The following SAXO4 variants were observed in gnomAD, a reference collection of about 807,000 sequenced individuals.
SAXO4 encodes the protein protein phosphatase 1 regulatory subunit 32.
the SAXO4 span, chr11:61,484,932 G>C: frequency 2.3e-6 from 3 of 1,303,346 alleles, no homozygotes; most frequent in Non-Finnish European, 3.1e-6. Context: ...GCTCAGGGTG[G>C]GCTCAGGGCG....
the SAXO4 span, chr11:61,485,981 T>C: frequency 9.0e-7 from 1 of 1,105,232 alleles, no homozygotes; most frequent in Non-Finnish European, 1.3e-6. Context: ...TTTCTAGCTT[T>C]CCTAAAGAAT....
the SAXO4 span, among the ~76,000 whole-genome samples, chr11:61,487,813 T>C: frequency 6.6e-6 from 1 of 152,136 alleles, no homozygotes; most frequent in Non-Finnish European, 1.5e-5. Flanking sequence ...CGATGCTCCC[T>C]CAGAAGGTAA....
chr11:61,482,817 T>TGGGCCA, the SAXO4 span: 19 of 1,595,228 alleles, frequency 1.2e-5, no homozygotes, highest in African/African-American at 9.4e-5. Flanking sequence ...AGGTCAGTGC[T>TGGGCCA]GGGCCAGGGC....
the SAXO4 span, among the ~76,000 whole-genome samples, chr11:61,483,164 CTTTT>C: frequency 2.5e-5 from 3 of 119,348 alleles, no homozygotes; most frequent in African/African-American, 3.5e-5. Flanking sequence ...ATTTCTTTTT[CTTTT>C]TTTTTTTTTT....
At chr11:61,482,313 C>G in the SAXO4 span, 2 of 1,613,876 alleles carry the variant, frequency 1.2e-6, no homozygotes, top group South Asian at 2.2e-5. Flanking sequence ...TCTGGCAGGT[C>G]GGGAGGATTT....
chr11:61,485,233 G>GA, the SAXO4 span: 1 of 995,516 alleles, frequency 1.0e-6, no homozygotes, highest in Non-Finnish European at 1.5e-6. Context: ...GGCCCACACA[G>GA]GCTTCCTCAG....
At chr11:61,490,410 T>C in the SAXO4 span, 2 of 1,188,874 alleles carry the variant, frequency 1.7e-6, no homozygotes, top group South Asian at 1.2e-5. Flanking sequence ...CTGGCTATGC[T>C]CTCTCAGGGA....
the SAXO4 span, chr11:61,481,904 A>G: frequency 1.6e-5 from 26 of 1,581,090 alleles, no homozygotes; most frequent in Non-Finnish European, 2.2e-5. Flanking sequence ...GCCACCAGCT[A>G]CTGCACCGCC....
chr11:61,483,764 T>A, the SAXO4 span, among the ~76,000 whole-genome samples: 1 of 149,736 alleles, frequency 6.7e-6, no homozygotes, highest in Non-Finnish European at 1.5e-5. Context: ...TTGAGACCAG[T>A]CTGGCCAACA....
At chr11:61,485,698 C>A in the SAXO4 span, 1 of 896,246 alleles carries the variant, frequency 1.1e-6, no homozygotes, top group South Asian at 1.5e-5. Flanking sequence ...TCTCCAGGAT[C>A]TTGGGATCCA....
the SAXO4 span, chr11:61,482,806 G>T: frequency 2.5e-6 from 4 of 1,607,736 alleles, no homozygotes; most frequent in Non-Finnish European, 3.4e-6. Flanking sequence ...CCCCACCAAG[G>T]AGGTCAGTGC....
At chr11:61,485,528 G>C in the SAXO4 span, 1 of 883,760 alleles carries the variant, frequency 1.1e-6, no homozygotes, top group Non-Finnish European at 1.7e-6. Flanking sequence ...GGATGCACAG[G>C]TGGCTGGAGG....
chr11:61,486,685 A>G, the SAXO4 span: 1 of 1,367,218 alleles, frequency 7.3e-7, no homozygotes, highest in South Asian at 1.2e-5. Context: ...CATTTGGGTC[A>G]GGCATTGAAG....
At chr11:61,488,967 C>A in the SAXO4 span, 1,435 of 152,594 alleles carry the variant, frequency 9.4e-3, 6 homozygotes, top group Non-Finnish European at 0.014. Context: ...GAGCAGGTGA[C>A]GTTTGAACTG....
At chr11:61,486,477 G>A in the SAXO4 span, 1 of 1,612,560 alleles carries the variant, frequency 6.2e-7, no homozygotes. Flanking sequence ...AAGGTGGTGG[G>A]GGAGGCAGCC....
At chr11:61,482,533 C>T in the SAXO4 span, 1 of 1,566,928 alleles carries the variant, frequency 6.4e-7, no homozygotes. Context: ...GCTGGGGGTC[C>T]TGGGTGACTC....
At chr11:61,490,793 G>A in the SAXO4 span, 151 of 590,744 alleles carry the variant, frequency 2.6e-4, no homozygotes, top group African/African-American at 2.0e-3. Flanking sequence ...CTCAGGCCTC[G>A]CCTCTGCTTC....
the SAXO4 span, chr11:61,481,738 A>T: frequency 1.2e-6 from 1 of 847,576 alleles, no homozygotes; most frequent in Non-Finnish European, 1.7e-6. Flanking sequence ...TGGGCTTCCG[A>T]GCCAGGCTTG....
At chr11:61,486,478 G>C in the SAXO4 span, 1 of 1,611,710 alleles carries the variant, frequency 6.2e-7, no homozygotes. Context: ...AGGTGGTGGG[G>C]GAGGCAGCCA....
Sources: allele counts gnomAD v4.1 joint callset (sites outside exome capture counted in the v4.1 genomes callset), GRCh38; gene constraint gnomAD v4.1.1; transcripts MANE v1.5; gene names NCBI Gene and HGNC (gene_info 2026-07-23, HGNC 2026-07-21).